PLD1: variants seen among roughly 807,000 people sequenced by gnomAD.
The protein encoded by PLD1 is choline phosphatase 1.
A neutral mutation model predicts 137.1 loss-of-function variants in PLD1; 112 were observed. The observed-to-expected ratio is 0.82, with a 90% CI of 0.70 to 0.96. PLD1 has a LOEUF of 0.96. PLD1 is among the 40% of genes least tolerant of loss of function. PLD1 has a pLI of 0.00. For synonymous variants in PLD1, 431 were observed against 454.7 expected (o/e 0.95, Z 0.66); for missense variants, 1,321 against 1,342.0 (o/e 0.98, Z 0.24).
At chr3:171,646,609 T>C (rs546385737) in intron 21 of PLD1, among the ~76,000 whole-genome samples, 78 of 150,886 alleles carry the variant, frequency 5.2e-4, no homozygotes, top group Middle Eastern at 3.4e-3. Flanking sequence ...TGTTCAAGTT[T>C]GCTGCTTGGT....
rs930355501 is a variant in PLD1, at chr3:171,604,177, G to A, written c.3001-875C>T. On this transcript the variant is annotated intron_variant, in intron 26 of 26. Coordinates refer to ENST00000351298, the MANE Select transcript of PLD1 (RefSeq NM_002662.5). The stretch of plus-strand genomic sequence containing the variant: ...CATAATACAAAAATTAGCTGGGTGT[G>A]CTGGTGGGCACCTGTAGGCCCAGCT... 2.6e-5 allele frequency among the ~76,000 whole-genome samples: 4 copies of A among 151,956 alleles called. No individual in the cohort carries two copies. In the East Asian group the frequency reaches 7.7e-4, roughly 29 times the overall value.
At chr3:171,698,656 T>C (rs181255839) in intron 12 of PLD1, among the ~76,000 whole-genome samples, 2 of 152,056 alleles carry the variant, frequency 1.3e-5, no homozygotes, top group East Asian at 1.9e-4. Context: ...GCATGTTTAA[T>C]GACAGAATAA....
chr3:171,649,101 CTATTT>C (rs753911828), intron 21 of PLD1, among the ~76,000 whole-genome samples: 4 of 151,806 alleles, frequency 2.6e-5, no homozygotes, highest in African/African-American at 7.3e-5. Context: ...AGAGACAGTT[CTATTT>C]TATCTTTTTT....
chr3:171,731,166 C>T lies in PLD1; in HGVS notation c.606+2278G>A, dbSNP rs575274687. Among the ~76,000 whole-genome samples the T allele has an allele frequency of 9.9e-5, 15 of 152,268 alleles. No individual in the cohort carries two copies. In the East Asian group the frequency reaches 1.9e-3, roughly 20 times the overall value. ...CTATCTGCTTATGGACCTGAATTAA[C>T]TTAAAATAGGTTTGTTTTATACTTA... On this transcript the variant is annotated intron_variant, in intron 6 of 26. Coordinates refer to ENST00000351298, the MANE Select transcript of PLD1 (RefSeq NM_002662.5).
intron 1 of PLD1, among the ~76,000 whole-genome samples, chr3:171,770,535 A>G (rs1204729326): frequency 6.6e-6 from 1 of 152,176 alleles, no homozygotes; most frequent in Non-Finnish European, 1.5e-5. Context: ...TGTGTATAAA[A>G]TCATATTTAT....
At chr3:171,704,845 G>C (rs1162688028) in intron 11 of PLD1, among the ~76,000 whole-genome samples, 2 of 152,170 alleles carry the variant, frequency 1.3e-5, no homozygotes, top group Non-Finnish European at 2.9e-5. Flanking sequence ...TGGGAGCTGG[G>C]GGTAAGGATA....
chr3:171,667,812 C>T (rs1333778213), intron 19 of PLD1, among the ~76,000 whole-genome samples: 1 of 152,194 alleles, frequency 6.6e-6, no homozygotes, highest in Non-Finnish European at 1.5e-5. Context: ...AGTACAATGG[C>T]GTGATCTCTG....
At chr3:171,635,997 T>TTTTC (rs1735095767) in intron 23 of PLD1, among the ~76,000 whole-genome samples, 1 of 115,718 alleles carries the variant, frequency 8.6e-6, no homozygotes, top group South Asian at 2.5e-4. Flanking sequence ...TTTTTTTTTT[T>TTTTC]GCAAGTGGAT....
Position 171,702,227 on chromosome 3 carries a change from T to C in PLD1, c.1146-2401A>G, listed in dbSNP as rs1346867800. The stretch of plus-strand genomic sequence containing the variant: ...ATGATTGAAAGGATGGGCTCACATG[T>C]ATAAACCCAGCACTTTGGGAGGCTA... On this transcript the variant is annotated intron_variant, in intron 11 of 26. Transcript: ENST00000351298. Among the ~76,000 whole-genome samples the C allele has an allele frequency of 2.0e-5, 3 of 152,128 alleles. No homozygotes were observed. The East Asian group carries it at 5.8e-4, about 29-fold the overall frequency.
At chr3:171,774,084 C>A (rs1722507125) in intron 1 of PLD1, among the ~76,000 whole-genome samples, 1 of 152,108 alleles carries the variant, frequency 6.6e-6, no homozygotes, top group South Asian at 2.1e-4. Flanking sequence ...ACTGAGGCGT[C>A]CAAAGGCTAG....
At chr3:171,796,148 T>A (rs74543367) in intron 1 of PLD1, among the ~76,000 whole-genome samples, 1 of 152,222 alleles carries the variant, frequency 6.6e-6, no homozygotes, top group Non-Finnish European at 1.5e-5. Flanking sequence ...GTATTTACGA[T>A]GAGTGCAGTG....
intron 23 of PLD1, among the ~76,000 whole-genome samples, chr3:171,639,848 C>CTCTCTCTCTCTCTATATATATA (rs3050415): frequency 1.8e-5 from 2 of 110,214 alleles, no homozygotes; most frequent in African/African-American, 7.8e-5. Flanking sequence ...CTCTCTCTCT[C>CTCTCTCTCTCTCTATATATATA]TATATATATA....
At chr3:171,748,888 A>G (rs1258060469) in intron 1 of PLD1, among the ~76,000 whole-genome samples, 1 of 149,994 alleles carries the variant, frequency 6.7e-6, no homozygotes, top group Non-Finnish European at 1.5e-5. Flanking sequence ...TTATTCTAAG[A>G]GCTATCAGTA....
intron 9 of PLD1, among the ~76,000 whole-genome samples, 186 bp downstream of exon 9, chr3:171,713,705 CTG>C (rs886512757): frequency 6.6e-6 from 1 of 152,126 alleles, no homozygotes; most frequent in African/African-American, 2.4e-5. Context: ...TTTATTCAGA[CTG>C]TTGCACACAG....
At chr3:171,753,714 C>A (rs1720822068) in intron 1 of PLD1, among the ~76,000 whole-genome samples, 1 of 151,948 alleles carries the variant, frequency 6.6e-6, no homozygotes, top group African/African-American at 2.4e-5. Context: ...TCCAACCGTC[C>A]TCTCATTATT....
At chr3:171,740,865 T>A (rs949081170) in intron 1 of PLD1, among the ~76,000 whole-genome samples, 1 of 152,228 alleles carries the variant, frequency 6.6e-6, no homozygotes, top group African/African-American at 2.4e-5. Flanking sequence ...TCTGAGAGAT[T>A]GAGTTAAACA....
At chr3:171,667,930 T>C (rs993559538) in intron 19 of PLD1, among the ~76,000 whole-genome samples, 2 of 152,194 alleles carry the variant, frequency 1.3e-5, no homozygotes, top group African/African-American at 2.4e-5. Context: ...TTTTATATTT[T>C]TAGTGGAGAC....
At chr3:171,801,621 G>T (rs542930033) in intron 1 of PLD1, among the ~76,000 whole-genome samples, 2 of 152,222 alleles carry the variant, frequency 1.3e-5, no homozygotes, top group East Asian at 1.9e-4. Context: ...TAGAGATGAG[G>T]TTTCACCGTG....
rs186118100 is a variant in PLD1 at position 171,642,857 on chromosome 3, C to T, written c.2576G>A (p.Gly859Glu). ...TMCRGENSIL[G>E]QLKAELGNQW... ...TTACTTACGCTCTGCTTTTAACTGT[C>T]CAAGGATGGAATTTTCTCCTCTGCA... is the stretch of plus-strand genomic sequence containing the variant. The change falls in exon 23 of 27, where the codon GGA becomes GAA. Residue 859 changes from glycine to glutamate, a missense_variant. By Grantham distance (98) the Gly-to-Glu change is moderately conservative. Coordinates refer to ENST00000351298, the MANE Select transcript of PLD1 (RefSeq NM_002662.5). The T allele has an allele frequency of 4.0e-4, 642 of 1,588,458 alleles. 9 individuals carry two copies. The East Asian group carries it at 0.014, about 35-fold the overall frequency.
Sources: gnomAD v4.1 joint callset for allele counts (sites outside exome capture counted in the v4.1 genomes callset) on GRCh38, gnomAD v4.1.1 for gene constraint, MANE v1.5 for transcripts, NCBI Gene and HGNC (gene_info 2026-07-23, HGNC 2026-07-21) for gene names.